LRRN1: variants seen among roughly 807,000 people sequenced by gnomAD.
LRRN1 encodes leucine rich repeat neuronal 1.
Under a neutral mutation model 45.8 loss-of-function variants are expected in LRRN1, and 14 were observed. That is an observed-to-expected ratio of 0.31 (90% CI 0.20 to 0.48). The LOEUF is 0.48. Among genes scored for constraint, LRRN1 ranks in the 20% least tolerant of loss-of-function variants. The pLI is 0.99. For synonymous variants in LRRN1, 359 were observed against 330.1 expected, an observed-to-expected ratio of 1.09 and a Z score of -0.95; for missense variants, 789 against 874.2, an observed-to-expected ratio of 0.90 and a Z score of 1.23.
At chr3:3,841,171 G>C (rs1351878150) in intron 1 of LRRN1, among the ~76,000 whole-genome samples, 2 of 151,596 alleles carry the variant, frequency 1.3e-5, no homozygotes, top group Non-Finnish European at 2.9e-5. Context: ...CGTGCCTGTA[G>C]TCCCAGCTAC....
At chr3:3,819,399 G>A (rs1393577271) in intron 1 of LRRN1, among the ~76,000 whole-genome samples, 1 of 152,174 alleles carries the variant, frequency 6.6e-6, no homozygotes, top group Non-Finnish European at 1.5e-5. Context: ...TCACAGTTCT[G>A]TAGGCTAGAA....
intron 1 of LRRN1, among the ~76,000 whole-genome samples, chr3:3,815,176 A>G (rs1692963257): frequency 6.6e-6 from 1 of 152,062 alleles, no homozygotes; most frequent in African/African-American, 2.4e-5. Context: ...TCTGTCCCCT[A>G]TTCCAAGTCT....
chr3:3,839,708 G>A (rs769383203), intron 1 of LRRN1, among the ~76,000 whole-genome samples: 18 of 151,994 alleles, frequency 1.2e-4, no homozygotes, highest in Non-Finnish European at 2.2e-4. Flanking sequence ...TCCTCAGTTC[G>A]ATTCATTCCT....
chr3:3,847,118 A>T lies in LRRN1; in HGVS notation c.*326A>T, dbSNP rs1478124243. 5.5e-6 allele frequency: 1 copy of T among 182,806 alleles called. No individual in the cohort carries two copies. The highest frequency in any genetic ancestry group is 1.6e-4 in the East Asian group (1 of 6,210). The allele number at this position is 182,806 out of a possible 1,614,324, so 11.3% of individuals were successfully genotyped here. On this transcript the variant is annotated 3_prime_UTR_variant, in exon 2 of 2. Coordinates refer to ENST00000319331, the MANE Select transcript of LRRN1 (RefSeq NM_020873.7). Reference sequence around the variant, plus strand: ...ACAGTGCTCAATAAAATGATTAATGACAGGATGGGGTTCCCCTGTGCTTTT... The same window carrying T: ...ACAGTGCTCAATAAAATGATTAATGTCAGGATGGGGTTCCCCTGTGCTTTT...
intron 1 of LRRN1, among the ~76,000 whole-genome samples, chr3:3,802,454 A>AC (rs537686071): frequency 2.2e-4 from 33 of 149,764 alleles, no homozygotes; most frequent in Middle Eastern, 3.4e-3. Context: ...AAAATACAAC[A>AC]CCCCCCCAAC....
chr3:3,810,751 G>C (rs1470417490), intron 1 of LRRN1, among the ~76,000 whole-genome samples: 1 of 152,138 alleles, frequency 6.6e-6, no homozygotes, highest in Non-Finnish European at 1.5e-5. Flanking sequence ...CAGTCACCAG[G>C]CAAGCCAAAT....
rs1692983726 is a variant in LRRN1, at chr3:3,816,145, A to G, written c.-279+16226A>G. 6.6e-6 allele frequency among the ~76,000 whole-genome samples: 1 copy of G among 152,186 alleles called. No homozygotes were observed. The highest frequency in any genetic ancestry group is 2.4e-5 in the African/African-American group (1 of 41,448). ...TAGTTGAAGAGCTATTATAGAATGC[A>G]CTATGATTTATAATGCATTTTAATG... On this transcript the variant is annotated intron_variant, in intron 1 of 1. Transcript: ENST00000319331. This position sits in a 1 kb window ranked among gnomAD's most constrained non-coding sequence, Gnocchi z 4.0.
At position 3,846,061 on chromosome 3, in the gene LRRN1, G is replaced by C; in HGVS notation, c.1420G>C (p.Asp474His). Residue 474 changes from aspartate to histidine, a missense_variant, in exon 2 of 2, where the codon GAT becomes CAT. Physicochemically the swap from Asp to His is moderately conservative, Grantham distance 81 (BLOSUM62 -1). Transcript: ENST00000319331. This position sits in a 1 kb window ranked among gnomAD's most constrained non-coding sequence, Gnocchi z 5.7. The stretch of plus-strand genomic sequence containing the variant: ...TAAGATAACTGTGGAAACCCTTTCA[G>C]ATAAATACAAGCTAAGTAGCGAAGG... Reference protein sequence around the residue: ...GNKITVETLSDKYKLSSEGTL... With the variant: ...GNKITVETLSHKYKLSSEGTL... 6.2e-7 allele frequency: 1 copy of C among 1,614,096 alleles called. No homozygotes were observed.
chr3:3,821,551 T>C (rs1693105801), intron 1 of LRRN1, among the ~76,000 whole-genome samples: 2 of 152,146 alleles, frequency 1.3e-5, no homozygotes, highest in Admixed American at 1.3e-4. Context: ...CCTGGCCCTG[T>C]GACACAGCAA....
chr3:3,848,669 G>C lies in LRRN1; in HGVS notation c.*1877G>C, dbSNP rs936532349. Among the ~76,000 whole-genome samples the C allele has an allele frequency of 3.9e-5, 6 of 152,116 alleles. No individual in the cohort carries two copies. Among genetic ancestry groups the C allele is most frequent in the African/African-American group, 1.2e-4 (5 of 41,408 alleles). ...AACAGAAAAATAAGTACCTGAGCTC[G>C]AGGTATCCCTTCCCAAAGCCTTCAC... On this transcript the variant is annotated 3_prime_UTR_variant, in exon 2 of 2. Transcript: ENST00000319331.
chr3:3,810,379 T>C (rs1692849020), intron 1 of LRRN1, among the ~76,000 whole-genome samples: 1 of 152,230 alleles, frequency 6.6e-6, no homozygotes, highest in Non-Finnish European at 1.5e-5. Context: ...GCTGAGCGTG[T>C]TGTAAATGGT....
At chr3:3,815,357 C>T (rs1038247994) in intron 1 of LRRN1, among the ~76,000 whole-genome samples, 1 of 152,096 alleles carries the variant, frequency 6.6e-6, no homozygotes, top group African/African-American at 2.4e-5. Flanking sequence ...TGTACAGCTC[C>T]CCACCTCCCC....
intron 1 of LRRN1, chr3:3,822,621 G>A (rs996488523): frequency 6.6e-6 from 1 of 152,116 alleles, no homozygotes. Flanking sequence ...AGATCACAAA[G>A]AATTCTTTAA....
intron 1 of LRRN1, among the ~76,000 whole-genome samples, chr3:3,807,103 C>G (rs367985915): frequency 6.6e-6 from 1 of 152,148 alleles, no homozygotes; most frequent in Non-Finnish European, 1.5e-5. Flanking sequence ...TACGATGCAT[C>G]GGTTAAAAAG....
chr3:3,812,334 C>G (rs1230146793), intron 1 of LRRN1, among the ~76,000 whole-genome samples: 1 of 152,142 alleles, frequency 6.6e-6, no homozygotes, highest in Non-Finnish European at 1.5e-5. Context: ...GAAGACCTTC[C>G]TAAAGAACTG....
intron 1 of LRRN1, among the ~76,000 whole-genome samples, chr3:3,840,736 T>C (rs1693634801): frequency 1.3e-5 from 2 of 152,196 alleles, no homozygotes; most frequent in African/African-American, 4.8e-5. Flanking sequence ...TGATCTGATT[T>C]CTAACATTCT....
chr3:3,807,488 A>T (rs1164615200), intron 1 of LRRN1, among the ~76,000 whole-genome samples: 1 of 152,214 alleles, frequency 6.6e-6, no homozygotes, highest in African/African-American at 2.4e-5. Flanking sequence ...GACAGATTTC[A>T]TACAAGTTTA....
intron 1 of LRRN1, among the ~76,000 whole-genome samples, chr3:3,834,533 T>C (rs1351670016): frequency 4.8e-5 from 5 of 105,008 alleles, no homozygotes; most frequent in East Asian, 4.1e-4. Context: ...AGGATATATA[T>C]ATATATATAT....
rs1693824873 is a variant in LRRN1 at position 3,848,487 on chromosome 3, G to C, written c.*1695G>C. On this transcript the variant is annotated 3_prime_UTR_variant, in exon 2 of 2. Transcript: ENST00000319331. ...GTGCCAGACAAGCAAAAGCAAGGAA[G>C]TTGGCAGAAAGAAAGTCCAGGTGAT... Among the ~76,000 whole-genome samples the C allele has an allele frequency of 6.6e-6, 1 of 152,172 alleles. No individual in the cohort carries two copies. Among genetic ancestry groups the C allele is most frequent in the South Asian group, 2.1e-4 (1 of 4,828 alleles).
Sources: allele counts gnomAD v4.1 joint callset (sites outside exome capture counted in the v4.1 genomes callset), GRCh38; gene constraint gnomAD v4.1.1; non-coding constraint Gnocchi (gnomAD v3.1); transcripts MANE v1.5; gene names NCBI Gene and HGNC (gene_info 2026-07-23, HGNC 2026-07-21).